ATP5PD: variants seen among roughly 807,000 people sequenced by gnomAD.
ATP5PD encodes ATP synthase peripheral stalk subunit d, mitochondrial.
ATP5PD carries 13 observed loss-of-function variants against 22.6 expected under a neutral mutation model. That is an observed-to-expected ratio of 0.58 (90% confidence interval 0.37 to 0.91). ATP5PD has a LOEUF of 0.91. Among genes scored for constraint, ATP5PD ranks in the 40% least tolerant of loss-of-function variants. The pLI, the probability that ATP5PD is intolerant of heterozygous loss-of-function variation, is 0.00. For synonymous variants in ATP5PD, 51 were observed against 65.0 expected (o/e 0.79, Z 1.03); for missense variants, 165 against 188.0 (o/e 0.88, Z 0.72).
In ATP5PD at chr17:75,042,240, A is replaced by G. The variant is rs2073168647; in HGVS notation, c.160T>C (p.Trp54Arg). 4 of 1,614,216 alleles carry G rather than the reference A, an allele frequency of 2.5e-6. No individual in the cohort carries two copies. The highest frequency in any genetic ancestry group is 3.4e-6 in the Non-Finnish European group (4 of 1,180,024). ...ALPENPPAID[W>R]AYYKANVAKA... is the part of the protein sequence containing the mutation. Reference sequence around the variant, plus strand: ...GCCACATTGGCCTTGTAGTAAGCCCAGTCGATAGCTGGTGGATTCTCAGGT... The same window carrying G: ...GCCACATTGGCCTTGTAGTAAGCCCGGTCGATAGCTGGTGGATTCTCAGGT... Residue 54 changes from tryptophan (W) to arginine (R), a missense_variant, in exon 3 of 6, where the codon TGG becomes CGG. Transcript: ENST00000301587.
intron 1 of ATP5PD, among the ~76,000 whole-genome samples, chr17:75,044,441 A>G (rs2073192174): frequency 8.7e-6 from 1 of 114,306 alleles, no homozygotes; most frequent in Non-Finnish European, 1.6e-5. Context: ...TCCTGACCTC[A>G]TGATCCACCC....
intron 1 of ATP5PD, among the ~76,000 whole-genome samples, chr17:75,046,433 C>G (rs1011202062): frequency 6.6e-6 from 1 of 152,206 alleles, no homozygotes; most frequent in African/African-American, 2.4e-5. Context: ...GCGCCTAGAA[C>G]AGATCATGCG....
chr17:75,046,289 G>A (rs2073215421), intron 1 of ATP5PD, among the ~76,000 whole-genome samples: 1 of 152,106 alleles, frequency 6.6e-6, no homozygotes, highest in African/African-American at 2.4e-5. Context: ...TCACTACGTT[G>A]GCCAGGCTGG....
At chr17:75,046,716 G>C (rs971746212) in intron 1 of ATP5PD, among the ~76,000 whole-genome samples, 1 of 152,210 alleles carries the variant, frequency 6.6e-6, no homozygotes, top group East Asian at 1.9e-4. Flanking sequence ...GGACACAGCC[G>C]GGCCCCCCTG....
intron 4 of ATP5PD, chr17:75,039,537 G>A (rs961823876): frequency 1.3e-5 from 6 of 453,316 alleles, no homozygotes; most frequent in Non-Finnish European, 2.4e-5. Context: ...CAGAATGCCT[G>A]TTTTCACAGG....
Position 75,039,072 on chromosome 17 carries a change from A to G in ATP5PD, c.355-9T>C. The G allele has an allele frequency of 1.9e-6, 3 of 1,613,758 alleles. No individual in the cohort carries two copies. Among genetic ancestry groups the G allele is most frequent in the South Asian group, 1.1e-5 (1 of 90,980 alleles). ...TTCTTCATCTTCTCCATCTGGAAAG[A>G]GGGGGAATGTGTTTAGTTAATGTAA... On this transcript the variant is annotated splice_polypyrimidine_tract_variant and intron_variant, in intron 5 of 5. Coordinates refer to ENST00000301587, the MANE Select transcript of ATP5PD (RefSeq NM_006356.3).
At chr17:75,040,551 G>A in intron 3 of ATP5PD, 1 of 230,422 alleles carries the variant, frequency 4.3e-6, no homozygotes, top group Admixed American at 5.3e-5. Context: ...GGAGCTGACT[G>A]GTGGAAGGAG....
intron 1 of ATP5PD, 118 bp from the exon 2 acceptor site, chr17:75,042,777 G>A: frequency 9.2e-7 from 1 of 1,084,558 alleles, no homozygotes; most frequent in Non-Finnish European, 1.3e-6. Flanking sequence ...TTAGAAACAT[G>A]CAAGTCTTCA....
At position 75,041,803 on chromosome 17, in the gene ATP5PD, C is replaced by G. The variant is rs572268249; in HGVS notation, c.219+378G>C. 1.3e-3 allele frequency: 210 copies of G among 163,650 alleles called. 1 individual carries two copies. The highest frequency in any genetic ancestry group is 4.7e-3 in the African/African-American group (195 of 41,862). 10.1% of individuals were successfully genotyped at this position (163,650 alleles called of 1,614,324 possible). ...ATTGCTTGAGCCCAAGAGTTCTGGG[C>G]TGTAGCGCGTTATGCCGATCGGGTG... On this transcript the variant is annotated intron_variant, in intron 3 of 5. Transcript: ENST00000301587.
rs763264238 is a variant in ATP5PD at position 75,042,259 on chromosome 17, C to A, written c.141G>T (p.Glu47Asp). 2 of 1,614,006 alleles carry A rather than the reference C, an allele frequency of 1.2e-6. No homozygotes were observed. Among genetic ancestry groups the A allele is most frequent in the African/African-American group, 2.7e-5 (2 of 74,930 alleles). The part of the protein sequence containing the change: ...TLTSRLAALP[E>D]NPPAIDWAYY... ...AAGCCCAGTCGATAGCTGGTGGATT[C>A]TCAGGTAAAGCAGCCAACCTGCCCA... The change falls in exon 3 of 6, where the codon GAG (glutamate) becomes GAT (aspartate). Residue 47 changes from glutamate (E) to aspartate (D), a missense_variant. By Grantham distance (45) the Glu-to-Asp change is conservative. Coordinates refer to ENST00000301587, the MANE Select transcript of ATP5PD (RefSeq NM_006356.3).
At chr17:75,046,290 G>A (rs993227146) in intron 1 of ATP5PD, among the ~76,000 whole-genome samples, 9 of 152,082 alleles carry the variant, frequency 5.9e-5, no homozygotes, top group Non-Finnish European at 1.0e-4. Flanking sequence ...CACTACGTTG[G>A]CCAGGCTGGT....
chr17:75,045,303 C>T (rs552531606), intron 1 of ATP5PD, among the ~76,000 whole-genome samples: 3 of 152,106 alleles, frequency 2.0e-5, no homozygotes, highest in Non-Finnish European at 2.9e-5. Context: ...AGGACCAGAG[C>T]GAAATTAAAA....
intron 1 of ATP5PD, 134 bp from the exon 2 acceptor site, chr17:75,042,793 A>C (rs2073174077): frequency 3.2e-6 from 3 of 942,514 alleles, no homozygotes; most frequent in Non-Finnish European, 4.6e-6. Flanking sequence ...CTTCACAAGA[A>C]TCACTTGAAC....
chr17:75,042,337 T>G, intron 2 of ATP5PD, 60 bp from the exon 3 acceptor site: 1 of 1,563,866 alleles, frequency 6.4e-7, no homozygotes. Flanking sequence ...ATTCACATGG[T>G]AATTTTCCTA....
chr17:75,046,793 ACT>A (rs930345478), intron 1 of ATP5PD, 130 bp downstream of exon 1: 1 of 152,228 alleles, frequency 6.6e-6, no homozygotes, highest in Admixed American at 6.5e-5. Flanking sequence ...CACAAGGGAC[ACT>A]CTGCCAGCGG....
intron 1 of ATP5PD, among the ~76,000 whole-genome samples, chr17:75,045,493 G>T (rs2073205047): frequency 1.3e-5 from 2 of 152,234 alleles, no homozygotes. Context: ...ATAAGAGACA[G>T]GTACGCCCCA....
At chr17:75,046,742 G>T (rs1360730113) in intron 1 of ATP5PD, among the ~76,000 whole-genome samples, 183 bp downstream of exon 1, 1 of 151,776 alleles carries the variant, frequency 6.6e-6, no homozygotes, top group Non-Finnish European at 1.5e-5. Context: ...GCGCGCCAAG[G>T]AGGGCTGAGG....
Position 75,038,901 on chromosome 17 carries a change from C to A in ATP5PD, c.*31G>T, listed in dbSNP as rs1037935558. The A allele has an allele frequency of 6.3e-7, 1 of 1,599,660 alleles. No individual in the cohort carries two copies. The highest frequency in any genetic ancestry group is 1.1e-5 in the South Asian group (1 of 88,732). ...TTTTTAATGTCCAGAATGTGTAATACAAGGGCCAGAGCTTCCTCCTGGACT... is the reference window on the plus strand; with the variant it reads ...TTTTTAATGTCCAGAATGTGTAATAAAAGGGCCAGAGCTTCCTCCTGGACT... On this transcript the variant is annotated 3_prime_UTR_variant, in exon 6 of 6. Transcript: ENST00000301587.
At chr17:75,040,033 A>G (rs927768605) in intron 4 of ATP5PD, 59 bp downstream of exon 4, 11 of 1,569,754 alleles carry the variant, frequency 7.0e-6, no homozygotes, top group Non-Finnish European at 9.6e-6. Context: ...ACTTAGCTAT[A>G]ATAGAGAGCT....
Sources: gnomAD v4.1 joint callset for allele counts (sites outside exome capture counted in the v4.1 genomes callset) on GRCh38, gnomAD v4.1.1 for gene constraint, MANE v1.5 for transcripts, NCBI Gene and HGNC (gene_info 2026-07-23, HGNC 2026-07-21) for gene names.